Variants in TTC32 observed in about 807,000 individuals in gnomAD.
TTC32 encodes the protein tetratricopeptide repeat protein 32.
Under a neutral mutation model 15.3 loss-of-function variants are expected in TTC32, and 16 were observed. The ratio of observed to expected loss-of-function variants is 1.05; its 90% confidence interval spans 0.71 to 1.59. The LOEUF (loss-of-function observed/expected upper bound fraction) is 1.59, where lower values mean the gene tolerates loss of function less well. TTC32 is among the 40% of genes most tolerant of loss of function. The pLI is 0.00. For missense variants in TTC32, 188 were observed against 181.9 expected, an observed-to-expected ratio of 1.03 and a Z score of -0.19; for synonymous variants, 89 against 67.8, an observed-to-expected ratio of 1.31 and a Z score of -1.53.
At chr2:19,900,686 G>A (rs1003438070) in intron 1 of TTC32, among the ~76,000 whole-genome samples, 5 of 152,192 alleles carry the variant, frequency 3.3e-5, no homozygotes, top group African/African-American at 1.2e-4. Context: ...ACAGTAACAG[G>A]TGAAGCCGCT....
Position 19,897,018 on chromosome 2 carries a change from T to C in TTC32, c.425A>G (p.Lys142Arg), listed in dbSNP as rs76262917. 131 of 1,591,300 alleles carry C rather than the reference T, an allele frequency of 8.2e-5. No homozygotes were observed. The highest frequency in any genetic ancestry group is 1.1e-4 in the Non-Finnish European group (127 of 1,170,580). Residue 142 changes from lysine to arginine, a missense_variant, in exon 3 of 3, where the codon AAA (lysine) becomes AGA (arginine). Transcript: ENST00000333610. ...LKQTILDKEE[K>R]QRRNVAKNY ...ATTTTTTGCAACATTTCTTCTTTGTTTTTCTTCTTTGTCTAGAATAGTCTG... is the reference window on the plus strand; with the variant it reads ...ATTTTTTGCAACATTTCTTCTTTGTCTTTCTTCTTTGTCTAGAATAGTCTG...
intron 1 of TTC32, 127 bp downstream of exon 1, chr2:19,901,579 G>T: frequency 7.8e-7 from 1 of 1,286,168 alleles, no homozygotes. Context: ...ACGTCCGCCC[G>T]CTCAGTCCTA....
At chr2:19,900,984 T>C in intron 1 of TTC32, 4 of 443,592 alleles carry the variant, frequency 9.0e-6, no homozygotes, top group Non-Finnish European at 1.4e-5. Flanking sequence ...TTGATGTGTA[T>C]CCTGACTTGA....
In TTC32 at chr2:19,901,732, CG is replaced by C; in HGVS notation, c.122del (p.Ala41GlyfsTer45). The C allele has an allele frequency of 6.2e-7, 1 of 1,613,442 alleles. No homozygotes were observed. On this transcript the variant is annotated frameshift_variant, in exon 1 of 3. Transcript: ENST00000333610. LOFTEE classifies it high-confidence loss of function. ...YSAYIRRCAC[A>X]ASSDESPGSK... ...TCCCGGGACTCTCGTCGCTGGAGGC[CG>C]CGCAAGCGCACCGGCGAATGTAAGC...
intron 1 of TTC32, 64 bp downstream of exon 1, chr2:19,901,642 C>T (rs181211384): frequency 2.4e-5 from 38 of 1,563,602 alleles, no homozygotes; most frequent in Non-Finnish European, 3.3e-5. Flanking sequence ...AAGATAGGAG[C>T]CCAAACAACC....
At chr2:19,901,372 T>C (rs896690381) in intron 1 of TTC32, 6 of 331,324 alleles carry the variant, frequency 1.8e-5, no homozygotes, top group African/African-American at 4.4e-5. Context: ...CCTAAGTCTC[T>C]GGGTGCGAAT....
chr2:19,899,744 C>T (rs1011746906), intron 1 of TTC32, among the ~76,000 whole-genome samples: 2 of 150,732 alleles, frequency 1.3e-5, no homozygotes, highest in African/African-American at 4.9e-5. Context: ...TATATATACA[C>T]ACACACTTTG....
intron 2 of TTC32, 142 bp downstream of exon 2, chr2:19,897,727 A>C: frequency 1.5e-6 from 1 of 654,614 alleles, no homozygotes; most frequent in Non-Finnish European, 2.4e-6. Context: ...AAACTCAGGG[A>C]CACTTCCTTT....
intron 1 of TTC32, among the ~76,000 whole-genome samples, chr2:19,900,211 T>G (rs954896083): frequency 2.0e-5 from 3 of 152,228 alleles, no homozygotes; most frequent in African/African-American, 7.2e-5. Context: ...TGATAAATAC[T>G]TTTTAAAATC....
rs1558311410 is a variant in TTC32 at position 19,897,091 on chromosome 2, C to T, written c.352G>A (p.Val118Ile). 1.2e-6 allele frequency: 2 copies of T among 1,605,892 alleles called. No homozygotes were observed. The highest frequency in any genetic ancestry group is 2.7e-5 in the African/African-American group (2 of 74,336). Residue 118 changes from valine to isoleucine, a missense_variant, in exon 3 of 3, where the codon GTC becomes ATC. Coordinates refer to ENST00000333610, the MANE Select transcript of TTC32 (RefSeq NM_001008237.3). Reference protein sequence around the residue: ...FDDALEDFKKVLDLNPGFQDA... With the variant: ...FDDALEDFKKILDLNPGFQDA... ...TGAAATCCAGGATTTAAGTCTAAGACCTTCTTGAAATCTTCCAAAGCATCA... is the reference window on the plus strand; with the variant it reads ...TGAAATCCAGGATTTAAGTCTAAGATCTTCTTGAAATCTTCCAAAGCATCA...
In TTC32 at chr2:19,896,825, C is replaced by T; in HGVS notation, c.*162G>A. 2.4e-6 allele frequency: 1 copy of T among 416,142 alleles called. No homozygotes were observed. The highest frequency in any genetic ancestry group is 4.8e-5 in the Admixed American group (1 of 20,826). 25.8% of individuals were successfully genotyped at this position (416,142 alleles called of 1,614,324 possible). ...ATTATTTACACTTCATTAAAAAAAA[C>T]CCATTCAACCTGAAATTAACTACCT... On this transcript the variant is annotated 3_prime_UTR_variant, in exon 3 of 3. Transcript: ENST00000333610.
chr2:19,901,582 C>G (rs1669604683), intron 1 of TTC32, 124 bp downstream of exon 1: 3 of 1,306,796 alleles, frequency 2.3e-6, no homozygotes, highest in Non-Finnish European at 3.1e-6. Flanking sequence ...TCCGCCCGCT[C>G]AGTCCTAGTG....
At chr2:19,897,161 G>T (rs780946129) in intron 2 of TTC32, 35 bp from the exon 3 acceptor site, 2 of 1,570,090 alleles carry the variant, frequency 1.3e-6, no homozygotes, top group Admixed American at 4.3e-5. Flanking sequence ...AAAGAGAAAA[G>T]AAACCGAGTA....
chr2:19,899,272 A>G (rs1205500580), intron 1 of TTC32, among the ~76,000 whole-genome samples: 2 of 152,184 alleles, frequency 1.3e-5, no homozygotes, highest in African/African-American at 4.8e-5. Context: ...AGATTACAAG[A>G]CGGTACCACT....
intron 1 of TTC32, among the ~76,000 whole-genome samples, chr2:19,900,069 G>A (rs1470018022): frequency 1.3e-5 from 2 of 152,158 alleles, no homozygotes; most frequent in Admixed American, 6.5e-5. Flanking sequence ...CTTCTACTGC[G>A]CTATGACAAA....
At chr2:19,899,638 G>A (rs987619266) in intron 1 of TTC32, among the ~76,000 whole-genome samples, 2 of 149,470 alleles carry the variant, frequency 1.3e-5, no homozygotes, top group African/African-American at 4.9e-5. Context: ...ACCCAAATGT[G>A]AATTTTTAGG....
rs761954432 is a variant in TTC32 at position 19,901,847 on chromosome 2, C to T, written c.8G>A (p.Gly3Glu). The stretch of plus-strand genomic sequence containing the variant: ...GGTTGCGTGGCTTTCTTGCCGCTGT[C>T]CTTCCATAGCAGCCAAGGCCTAGTT... ME[G>E]QRQESHATLT... The change falls in exon 1 of 3, where the codon GGA becomes GAA. Residue 3 changes from glycine (G) to glutamate (E), a missense_variant. Coordinates refer to ENST00000333610, the MANE Select transcript of TTC32 (RefSeq NM_001008237.3). 1.2e-6 allele frequency: 2 copies of T among 1,614,076 alleles called. No individual in the cohort carries two copies. Among genetic ancestry groups the T allele is most frequent in the South Asian group, 2.2e-5 (2 of 91,058 alleles).
intron 2 of TTC32, among the ~76,000 whole-genome samples, chr2:19,897,393 T>G (rs1037372854): frequency 6.6e-6 from 1 of 152,158 alleles, no homozygotes; most frequent in African/African-American, 2.4e-5. Context: ...ATCTTAAAAT[T>G]TTAATAAAAC....
At position 19,896,984 on chromosome 2, in the gene TTC32, A is replaced by G. The variant is rs1669519914; in HGVS notation, c.*3T>C. The G allele has an allele frequency of 6.3e-7, 1 of 1,575,404 alleles. No homozygotes were observed. On this transcript the variant is annotated 3_prime_UTR_variant, in exon 3 of 3. Coordinates refer to ENST00000333610, the MANE Select transcript of TTC32 (RefSeq NM_001008237.3). ...AATCAATACTTCCATTAAGTTAAAA[A>G]TATCAATAATTTTTTGCAACATTTC...
Sources: allele counts gnomAD v4.1 joint callset (sites outside exome capture counted in the v4.1 genomes callset), GRCh38; gene constraint gnomAD v4.1.1; transcripts MANE v1.5; gene names NCBI Gene and HGNC (gene_info 2026-07-23, HGNC 2026-07-21).